Variants in HDAC4 observed in about 807,000 individuals in gnomAD.
HDAC4 encodes the protein histone deacetylase 4.
In HDAC4, 16 loss-of-function variants were observed where a neutral mutation model predicts 135.1. The ratio of observed to expected loss-of-function variants is 0.12; its 90% CI spans 0.08 to 0.18. The LOEUF (loss-of-function observed/expected upper bound fraction) is 0.18, where lower values mean the gene tolerates loss of function less well. Ranked by LOEUF, HDAC4 falls within the 10% of genes least tolerant of loss-of-function variation. The probability of loss-of-function intolerance (pLI) is 1.00; values close to 1 mark genes in which losing one functional copy is unlikely to be tolerated. For synonymous variants in HDAC4, 685 were observed against 653.4 expected (o/e 1.05, Z -0.74); for missense variants, 1,143 against 1,511.8 (o/e 0.76, Z 4.05).
At chr2:239,316,201 C>T (rs933234310) in intron 2 of HDAC4, among the ~76,000 whole-genome samples, 13 of 152,198 alleles carry the variant, frequency 8.5e-5, no homozygotes, top group African/African-American at 3.1e-4. Context: ...GGCGGAAATG[C>T]AAACTGATAT....
chr2:239,346,994 CTA>C (rs1692753810), intron 2 of HDAC4, among the ~76,000 whole-genome samples: 1 of 91,592 alleles, frequency 1.1e-5, no homozygotes, highest in South Asian at 2.7e-4. Context: ...CACACCCTGT[CTA>C]AAACACACAC....
chr2:239,295,755 C>A (rs149193975), intron 2 of HDAC4, among the ~76,000 whole-genome samples: 10 of 152,310 alleles, frequency 6.6e-5, no homozygotes, highest in East Asian at 1.9e-4. Flanking sequence ...ACCACCACCA[C>A]CAACAAAATC....
chr2:239,151,728 C>T (rs571270053), intron 7 of HDAC4, among the ~76,000 whole-genome samples: 1 of 152,362 alleles, frequency 6.6e-6, no homozygotes, highest in African/African-American at 2.4e-5. Flanking sequence ...CGGAACAAGG[C>T]TGAAGTTACC....
chr2:239,126,700 G>A lies in HDAC4; in HGVS notation c.1295-6C>T, dbSNP rs2040214446. On this transcript the variant is annotated splice_region_variant and splice_polypyrimidine_tract_variant and intron_variant, in intron 11 of 26. Transcript: ENST00000543185. ...CAGGCCTGAAAGATACCAGTCTGAA[G>A]ATAATTGGAGGAAGAAACAGCAGAG... 3.7e-6 allele frequency: 6 copies of A among 1,613,088 alleles called. No individual in the cohort carries two copies. Among genetic ancestry groups the A allele is most frequent in the Non-Finnish European group, 5.1e-6 (6 of 1,179,802 alleles).
At chr2:239,248,522 A>T (rs1452834434) in intron 2 of HDAC4, among the ~76,000 whole-genome samples, 1 of 152,154 alleles carries the variant, frequency 6.6e-6, no homozygotes, top group Non-Finnish European at 1.5e-5. Flanking sequence ...CAATTCACTG[A>T]AAATGTATTT....
At chr2:239,274,100 C>T (rs1171881722) in intron 2 of HDAC4, among the ~76,000 whole-genome samples, 3 of 152,166 alleles carry the variant, frequency 2.0e-5, no homozygotes, top group East Asian at 1.9e-4. Flanking sequence ...CAGCCTAGTC[C>T]GCTCCTTATT....
chr2:239,085,153 C>T (rs2035811839), intron 19 of HDAC4, among the ~76,000 whole-genome samples: 1 of 152,000 alleles, frequency 6.6e-6, no homozygotes, highest in Non-Finnish European at 1.5e-5. Context: ...TCATCTTCAC[C>T]TGGAACCCTT....
At position 239,303,401 on chromosome 2, in the gene HDAC4, T is replaced by G. The variant is rs2052383393; in HGVS notation, c.22+49277A>C. On this transcript the variant is annotated intron_variant, in intron 2 of 26. Coordinates refer to ENST00000543185, the MANE Select transcript of HDAC4 (RefSeq NM_001378414.1). This position sits in a 1 kb window ranked among gnomAD's most constrained non-coding sequence, Gnocchi z 5.1. ...TGAAGGGAAACGTCCCTCACCCTTC[T>G]GCAGTCGCCACCGAGCACTCGTGGT... is the stretch of plus-strand genomic sequence containing the variant. Among the ~76,000 whole-genome samples the G allele has an allele frequency of 6.6e-6, 1 of 152,222 alleles. No homozygotes were observed. The highest frequency in any genetic ancestry group is 1.9e-4 in the East Asian group (1 of 5,190).
At chr2:239,272,449 A>G (rs537122670) in intron 2 of HDAC4, among the ~76,000 whole-genome samples, 30 of 152,396 alleles carry the variant, frequency 2.0e-4, no homozygotes, top group African/African-American at 6.7e-4. Context: ...ATAAAGGGCC[A>G]GACAACTCAA....
Position 239,308,513 on chromosome 2 carries a change from G to A in HDAC4, c.22+44165C>T, listed in dbSNP as rs1258726122. Among the ~76,000 whole-genome samples the A allele has an allele frequency of 1.3e-5, 2 of 152,142 alleles. No homozygotes were observed. ...GCTACCAAAGGAAAATAACAATAAT[G>A]AAGATATCGTTGGTGGAATACATAA... On this transcript the variant is annotated intron_variant, in intron 2 of 26. Coordinates refer to ENST00000543185, the MANE Select transcript of HDAC4 (RefSeq NM_001378414.1). The surrounding 1 kb of genome is among the most constrained non-coding windows in gnomAD (Gnocchi z 4.2).
chr2:239,314,721 C>T (rs1351189803), intron 2 of HDAC4, among the ~76,000 whole-genome samples: 1 of 152,122 alleles, frequency 6.6e-6, no homozygotes. Flanking sequence ...CAGGATGCAA[C>T]ACATAAAGGT....
At chr2:239,202,934 C>T (rs1384499486) in intron 3 of HDAC4, among the ~76,000 whole-genome samples, 1 of 152,172 alleles carries the variant, frequency 6.6e-6, no homozygotes, top group Non-Finnish European at 1.5e-5. Context: ...AAGGGCCTGT[C>T]CACGCCGCCT....
At chr2:239,164,421 G>C (rs986379778) in intron 5 of HDAC4, among the ~76,000 whole-genome samples, 5 of 152,240 alleles carry the variant, frequency 3.3e-5, no homozygotes, top group African/African-American at 1.2e-4. Context: ...TCAAAGGGCA[G>C]CGCCTGTCCT....
At chr2:239,204,746 CT>C (rs1428087244) in intron 3 of HDAC4, among the ~76,000 whole-genome samples, 1 of 152,182 alleles carries the variant, frequency 6.6e-6, no homozygotes, top group Non-Finnish European at 1.5e-5. Flanking sequence ...GGTTTCAACC[CT>C]GCATCCAACC....
At chr2:239,120,414 CAG>C (rs2039562981) in intron 12 of HDAC4, among the ~76,000 whole-genome samples, 1 of 137,702 alleles carries the variant, frequency 7.3e-6, no homozygotes, top group Non-Finnish European at 1.6e-5. Context: ...CACACACACA[CAG>C]ACACAGACAG....
chr2:239,179,686 T>C (rs2044014364), intron 4 of HDAC4, among the ~76,000 whole-genome samples: 1 of 151,922 alleles, frequency 6.6e-6, no homozygotes, highest in Non-Finnish European at 1.5e-5. Flanking sequence ...AAATGAAAAG[T>C]GGCTGAGGGG....
intron 16 of HDAC4, among the ~76,000 whole-genome samples, chr2:239,100,224 G>A (rs952988414): frequency 5.9e-5 from 9 of 152,172 alleles, no homozygotes; most frequent in Admixed American, 2.0e-4. Flanking sequence ...GCCTTCCCTG[G>A]GAACTCCTGC....
intron 22 of HDAC4, among the ~76,000 whole-genome samples, chr2:239,078,127 C>T (rs1047288621): frequency 1.3e-5 from 2 of 152,154 alleles, no homozygotes; most frequent in East Asian, 1.9e-4. Flanking sequence ...CCATCTTCAT[C>T]GTCATCGTCA....
intron 3 of HDAC4, among the ~76,000 whole-genome samples, chr2:239,199,912 A>AT (rs1167163109): frequency 2.6e-5 from 4 of 151,356 alleles, no homozygotes; most frequent in African/African-American, 7.3e-5. Context: ...AATTTTTTTG[A>AT]TTTTTTCAGT....
Sources: allele counts gnomAD v4.1 joint callset (sites outside exome capture counted in the v4.1 genomes callset), GRCh38; gene constraint gnomAD v4.1.1; non-coding constraint Gnocchi (gnomAD v3.1); transcripts MANE v1.5; gene names NCBI Gene and HGNC (gene_info 2026-07-23, HGNC 2026-07-21).